STS: variants seen among roughly 807,000 people sequenced by gnomAD.
The protein encoded by STS is steroid sulfatase.
In STS, 7 loss-of-function variants were observed where a neutral mutation model predicts 26.8. The ratio of observed to expected loss-of-function variants is 0.26; its 90% CI spans 0.15 to 0.49. STS has a LOEUF of 0.49. Among genes scored for constraint, STS ranks in the 20% least tolerant of loss-of-function variants. The pLI is 0.98. For missense variants in STS, 434 were observed against 465.6 expected (o/e 0.93, Z 0.63); for synonymous variants, 199 against 189.4 (o/e 1.05, Z -0.42).
At position 7,257,608 on chromosome X, in the gene STS, G is replaced by A; in HGVS notation, c.382+20G>A. 4 of 1,210,964 alleles carry A rather than the reference G, an allele frequency of 3.3e-6. No homozygotes were observed. Among genetic ancestry groups the A allele is most frequent in the Non-Finnish European group, 4.5e-6 (4 of 895,090 alleles). The stretch of plus-strand genomic sequence containing the variant: ...TGATAGGTATGGACATCTATGGGAT[G>A]GGAACCATCTATAGGTATGGGAATG... On this transcript the variant is annotated intron_variant, in intron 5 of 10. Transcript: ENST00000674429.
intron 1 of STS, among the ~76,000 whole-genome samples, chrX:7,172,148 A>G (rs866397556): frequency 9.0e-6 from 1 of 111,701 alleles, no homozygotes; most frequent in Middle Eastern, 4.6e-3. Flanking sequence ...GTTTGAACAC[A>G]GGTCATGTGA....
At chrX:7,331,914 C>T (rs1297130860) in intron 9 of STS, among the ~76,000 whole-genome samples, 1 of 101,508 alleles carries the variant, frequency 9.9e-6, no homozygotes, top group African/African-American at 3.6e-5. Context: ...AAAAGTCTAT[C>T]TCCACTTTGG....
chrX:7,154,050 A>G (rs1325616160), intron 1 of STS, among the ~76,000 whole-genome samples: 1 of 109,943 alleles, frequency 9.1e-6, no homozygotes, highest in Non-Finnish European at 1.9e-5. Context: ...CCCTCTCTCC[A>G]GGACCTGTGA....
chrX:7,256,271 C>T (rs1294103956), intron 3 of STS, among the ~76,000 whole-genome samples: 1 of 111,964 alleles, frequency 8.9e-6, no homozygotes, highest in Non-Finnish European at 1.9e-5. Flanking sequence ...TCAGCCAATC[C>T]ATTCATAGAG....
At chrX:7,196,242 A>G (rs1933970229) in intron 2 of STS, among the ~76,000 whole-genome samples, 1 of 112,112 alleles carries the variant, frequency 8.9e-6, no homozygotes. Flanking sequence ...ATGGTAAACC[A>G]GGGTAAGGTT....
In STS at chrX:7,228,864, G is replaced by A. The variant is rs1365728771; in HGVS notation, c.-4-24332G>A. On this transcript the variant is annotated intron_variant, in intron 2 of 10. Transcript: ENST00000674429. ...TTAATTTGGATAATTTTCTTGACCT[G>A]TCTTCAAGGTCTCTGATTCTTTTCT... is the stretch of plus-strand genomic sequence containing the variant. 5.3e-5 allele frequency among the ~76,000 whole-genome samples: 6 copies of A among 112,269 alleles called. No homozygotes were observed. The Admixed American group carries it at 5.7e-4, about 11-fold the overall frequency.
chrX:7,169,168 C>T (rs1313049622), intron 1 of STS, among the ~76,000 whole-genome samples: 1 of 110,807 alleles, frequency 9.0e-6, no homozygotes, highest in Non-Finnish European at 1.9e-5. Context: ...GGGAAACCAT[C>T]AGTCTGCTTT....
At chrX:7,181,065 C>A (rs1933671320) in intron 1 of STS, among the ~76,000 whole-genome samples, 1 of 112,161 alleles carries the variant, frequency 8.9e-6, no homozygotes, top group East Asian at 2.8e-4. Context: ...TATGTCTGCT[C>A]ACCAGGGAAT....
intron 10 of STS, among the ~76,000 whole-genome samples, chrX:7,346,878 G>A (rs770162073): frequency 1.7e-4 from 18 of 108,532 alleles, no homozygotes; most frequent in Non-Finnish European, 2.1e-4. Context: ...GACCAGCCTG[G>A]GCAACATGGA....
chrX:7,155,930 C>T (rs1440655742), intron 1 of STS, among the ~76,000 whole-genome samples: 2 of 111,605 alleles, frequency 1.8e-5, no homozygotes, highest in African/African-American at 6.5e-5. Flanking sequence ...AGGTGGAATG[C>T]TTGAGCTCAG....
At position 7,259,782 on chromosome X, in the gene STS, G is replaced by A. The variant is rs368972607; in HGVS notation, c.806+10G>A. 1.2e-5 allele frequency: 15 copies of A among 1,206,641 alleles called. No homozygotes were observed. The African/African-American group carries it at 2.6e-4, about 21-fold the overall frequency. On this transcript the variant is annotated intron_variant, in intron 6 of 10. Transcript: ENST00000674429. ...CCCAGTTCATACAGCGGTGGGTATT[G>A]CCTTGTCCTCTGATGCTGCCTGTTA...
intron 1 of STS, among the ~76,000 whole-genome samples, chrX:7,177,756 C>T (rs1456459195): frequency 9.0e-6 from 1 of 110,554 alleles, no homozygotes; most frequent in Non-Finnish European, 1.9e-5. Context: ...CTCAAGTGAT[C>T]CACCCCACCT....
intron 1 of STS, among the ~76,000 whole-genome samples, chrX:7,181,511 C>T (rs1344652126): frequency 4.5e-5 from 5 of 111,971 alleles, no homozygotes; most frequent in African/African-American, 9.7e-5. Context: ...CTCAGAGCAT[C>T]GGAAGTGACT....
rs1178578773 is a variant in STS, at chrX:7,349,316, C to CTTTTTTTT, written c.1364-542_1364-535dup. Among the ~76,000 whole-genome samples the CTTTTTTTT allele has an allele frequency of 1.7e-4, 9 of 52,887 alleles. 1 individual carries two copies. Among genetic ancestry groups the CTTTTTTTT allele is most frequent in the Non-Finnish European group, 2.7e-4 (8 of 29,295 alleles). 45.9% of individuals were successfully genotyped at this position (52,887 alleles called of 115,157 possible). A position where few individuals can be genotyped will look rare whatever the true frequency, so the allele number is the denominator to read the frequency against. The stretch of plus-strand genomic sequence containing the variant: ...GCTGCACTCGGCCCTCATTTAATTC[C>CTTTTTTTT]TTTTTTTTTTTTTTTTTTTTTTTTT... On this transcript the variant is annotated intron_variant, in intron 10 of 10. Coordinates refer to ENST00000674429, the MANE Select transcript of STS (RefSeq NM_001320752.2).
chrX:7,230,537 A>G (rs762537678), intron 2 of STS, among the ~76,000 whole-genome samples: 1 of 112,316 alleles, frequency 8.9e-6, no homozygotes, highest in East Asian at 2.8e-4. Context: ...CTATAAAGAA[A>G]TACCTGAGAC....
chrX:7,249,088 C>G (rs760552951), intron 2 of STS, among the ~76,000 whole-genome samples: 19 of 110,301 alleles, frequency 1.7e-4, no homozygotes, highest in Non-Finnish European at 3.4e-4. Context: ...GATAAAAAAG[C>G]CTTTTGGGAA....
In STS at chrX:7,237,493, A is replaced by G. The variant is rs1601675625; in HGVS notation, c.-4-15703A>G. Reference sequence around the variant, plus strand: ...GTTCATCTGTGTATTGCATATTGCAATATTTCTTCATTTTGTAAGGTTAAC... The same window carrying G: ...GTTCATCTGTGTATTGCATATTGCAGTATTTCTTCATTTTGTAAGGTTAAC... On this transcript the variant is annotated intron_variant, in intron 2 of 10. Coordinates refer to ENST00000674429, the MANE Select transcript of STS (RefSeq NM_001320752.2). Among the ~76,000 whole-genome samples, 4 of 111,989 alleles carry G rather than the reference A, an allele frequency of 3.6e-5. No homozygotes were observed. In the Admixed American group the frequency reaches 3.8e-4, roughly 11 times the overall value.
chrX:7,265,223 T>C (rs1379726730), intron 6 of STS, among the ~76,000 whole-genome samples: 1 of 111,137 alleles, frequency 9.0e-6, no homozygotes, highest in Non-Finnish European at 1.9e-5. Flanking sequence ...GTGTGCTGTT[T>C]ATCAAATTTG....
At chrX:7,204,754 CCT>C (rs1380845991) in intron 2 of STS, among the ~76,000 whole-genome samples, 1 of 100,325 alleles carries the variant, frequency 1.0e-5, no homozygotes, top group Non-Finnish European at 2.0e-5. Flanking sequence ...TCCTTTCTTC[CCT>C]CTCTCTCCCT....
Sources: gnomAD v4.1 joint callset for allele counts (sites outside exome capture counted in the v4.1 genomes callset) on GRCh38, gnomAD v4.1.1 for gene constraint, MANE v1.5 for transcripts, NCBI Gene and HGNC (gene_info 2026-07-23, HGNC 2026-07-21) for gene names.